The following TMTC1 variants were observed in gnomAD, a reference collection of about 807,000 sequenced individuals.
TMTC1 encodes transmembrane O-mannosyltransferase targeting cadherins 1.
Under a neutral mutation model 104.8 loss-of-function variants are expected in TMTC1, and 73 were observed. The observed-to-expected ratio is 0.70, with a 90% confidence interval of 0.58 to 0.85. The LOEUF (loss-of-function observed/expected upper bound fraction) is 0.85. Among genes scored for constraint, TMTC1 ranks in the 40% least tolerant of loss-of-function variants. The pLI is 0.00. For missense variants in TMTC1, 1,035 were observed against 1,096.1 expected (o/e 0.94, Z 0.79); for synonymous variants, 434 against 428.7 (o/e 1.01, Z -0.15).
At chr12:29,642,014 C>T (rs771964055) in intron 5 of TMTC1, among the ~76,000 whole-genome samples, 1 of 151,924 alleles carries the variant, frequency 6.6e-6, no homozygotes, top group Non-Finnish European at 1.5e-5. Context: ...ACAAGGTCTT[C>T]GAATTAATCC....
intron 5 of TMTC1, among the ~76,000 whole-genome samples, chr12:29,697,595 T>C (rs185448801): frequency 6.6e-6 from 1 of 152,304 alleles, no homozygotes; most frequent in Non-Finnish European, 1.5e-5. Flanking sequence ...AAAATCTGCA[T>C]GGCAGGCTGG....
chr12:29,542,322 G>A (rs1303152141), intron 10 of TMTC1, among the ~76,000 whole-genome samples: 5 of 152,092 alleles, frequency 3.3e-5, no homozygotes, highest in Admixed American at 1.3e-4. Flanking sequence ...GGGTTCAACC[G>A]GCACTGATGG....
At chr12:29,620,308 T>C (rs952801431) in intron 6 of TMTC1, among the ~76,000 whole-genome samples, 2 of 152,150 alleles carry the variant, frequency 1.3e-5, no homozygotes, top group Non-Finnish European at 2.9e-5. Flanking sequence ...AGCTCAGTGC[T>C]GATCACTCCC....
Position 29,668,454 on chromosome 12 carries a change from C to CTTTTT in TMTC1, c.939-35123_939-35119dup, listed in dbSNP as rs66652706. The stretch of plus-strand genomic sequence containing the variant: ...CCACATTCAAACCATACCAACTTAT[C>CTTTTT]TTTTTTTTTTTTTTTTTTTTTTTTG... On this transcript the variant is annotated intron_variant, in intron 5 of 17. Transcript: ENST00000539277. Among the ~76,000 whole-genome samples the CTTTTT allele has an allele frequency of 2.2e-3, 199 of 90,076 alleles. 9 individuals carry two copies. The highest frequency in any genetic ancestry group is 6.3e-3 in the Middle Eastern group (1 of 158). 59.1% of individuals were successfully genotyped at this position (90,076 alleles called of 152,430 possible).
At chr12:29,520,871 T>C in intron 11 of TMTC1, 151 bp from the exon 12 acceptor site, 1 of 622,386 alleles carries the variant, frequency 1.6e-6, no homozygotes, top group Non-Finnish European at 2.8e-6. Flanking sequence ...CTATGAACTT[T>C]GTTTGAATTA....
In TMTC1 at chr12:29,579,828, C is replaced by A. The variant is rs34689118; in HGVS notation, c.1418+3579G>T. Among the ~76,000 whole-genome samples the A allele has an allele frequency of 4.6e-3, 694 of 152,242 alleles. 2 individuals carry two copies. Among genetic ancestry groups the A allele is most frequent in the South Asian group, 0.012 (56 of 4,820 alleles). ...ATGCCTTGCAGCTATGATCATAAAT[C>A]TCTCTCTCTGCTTATACTTGAGCTA... On this transcript the variant is annotated intron_variant, in intron 8 of 17. Transcript: ENST00000539277.
At chr12:29,511,749 T>C (rs965779033) in intron 17 of TMTC1, among the ~76,000 whole-genome samples, 2 of 152,224 alleles carry the variant, frequency 1.3e-5, no homozygotes, top group Non-Finnish European at 2.9e-5. Flanking sequence ...AAACAGATTT[T>C]ACCTGCTGTG....
At position 29,603,332 on chromosome 12, in the gene TMTC1, C is replaced by T. The variant is rs556845400; in HGVS notation, c.1250+846G>A. On this transcript the variant is annotated intron_variant, in intron 7 of 17. Transcript: ENST00000539277. ...ATAAAAAACACTCATTTCCTCCTAA[C>T]ATTTTGGTTTATGATACTGCCTTTT... Among the ~76,000 whole-genome samples the T allele has an allele frequency of 2.6e-5, 4 of 152,126 alleles. No homozygotes were observed. The South Asian group carries it at 8.3e-4, about 32-fold the overall frequency.
At chr12:29,726,136 T>G (rs991453809) in intron 5 of TMTC1, among the ~76,000 whole-genome samples, 5 of 152,130 alleles carry the variant, frequency 3.3e-5, no homozygotes, top group Non-Finnish European at 7.4e-5. Context: ...GAAAAAACAA[T>G]GCAGTCAGTC....
chr12:29,593,255 T>C (rs1277660355), intron 7 of TMTC1, among the ~76,000 whole-genome samples: 1 of 152,148 alleles, frequency 6.6e-6, no homozygotes, highest in African/African-American at 2.4e-5. Context: ...AATTGTTGTG[T>C]GGAATAAATG....
rs184221 is a variant in TMTC1, at chr12:29,783,680, T to G, written c.72A>C (p.Leu24=). The G allele has an allele frequency of 0.97, 1,261,223 of 1,299,770 alleles. 614,256 individuals are homozygous for G. Among genetic ancestry groups the G allele is most frequent in the East Asian group, 1 (31,968 of 31,986 alleles). The allele number at this position is 1,299,770 out of a possible 1,614,324, so 80.5% of individuals were successfully genotyped here. ...RTPSRRRGCG[L]APAGAAALLA... is the part of the protein sequence containing the mutation. Reference sequence around the variant, plus strand: ...GCAGCGCCGCGGCCCCGGCCGGCGCTAGCCCGCAGCCCCGCCGCCGGGAGG... The same window carrying G: ...GCAGCGCCGCGGCCCCGGCCGGCGCGAGCCCGCAGCCCCGCCGCCGGGAGG... Residue 24 remains leucine (L), a synonymous_variant, in exon 1 of 18, where the codon CTA becomes CTC. Transcript: ENST00000539277. The surrounding 1 kb of genome is among the most constrained non-coding windows in gnomAD (Gnocchi z 4.7).
chr12:29,509,957 T>A (rs2136129708), intron 17 of TMTC1, among the ~76,000 whole-genome samples: 2 of 152,336 alleles, frequency 1.3e-5, no homozygotes, highest in South Asian at 2.1e-4. Context: ...ATATTTGTTG[T>A]ACTTTTTCTA....
chr12:29,731,291 G>T (rs893907197), intron 5 of TMTC1, among the ~76,000 whole-genome samples: 1 of 152,088 alleles, frequency 6.6e-6, no homozygotes, highest in African/African-American at 2.4e-5. Context: ...AGAGGAGCTG[G>T]GATTACAGAT....
intron 5 of TMTC1, among the ~76,000 whole-genome samples, chr12:29,747,593 T>C (rs1472876885): frequency 6.6e-6 from 1 of 152,182 alleles, no homozygotes; most frequent in African/African-American, 2.4e-5. Flanking sequence ...AGTTTTGAAG[T>C]TGAACAACAA....
chr12:29,630,663 G>A (rs1032971449), intron 6 of TMTC1, among the ~76,000 whole-genome samples: 6 of 152,206 alleles, frequency 3.9e-5, no homozygotes, highest in Admixed American at 6.5e-5. Flanking sequence ...CACTGAGTTC[G>A]TCCATTTGCA....
intron 5 of TMTC1, among the ~76,000 whole-genome samples, chr12:29,729,923 G>A (rs1228520288): frequency 6.6e-6 from 1 of 152,144 alleles, no homozygotes; most frequent in Non-Finnish European, 1.5e-5. Context: ...CTTCTAAAGG[G>A]ATAAATATAA....
intron 1 of TMTC1, among the ~76,000 whole-genome samples, chr12:29,777,720 C>A (rs1943744436): frequency 6.6e-6 from 1 of 152,054 alleles, no homozygotes; most frequent in Admixed American, 6.5e-5. Context: ...TTTCATTTTT[C>A]TTTATAAAAT....
intron 7 of TMTC1, among the ~76,000 whole-genome samples, chr12:29,599,620 T>G (rs1946500803): frequency 6.6e-6 from 1 of 152,206 alleles, no homozygotes; most frequent in African/African-American, 2.4e-5. Context: ...ATCAGCCCCC[T>G]GGGATCGAAG....
chr12:29,692,214 C>T (rs1263383361), intron 5 of TMTC1, among the ~76,000 whole-genome samples: 5 of 145,306 alleles, frequency 3.4e-5, no homozygotes, highest in African/African-American at 1.3e-4. Context: ...TTTTTCCTCC[C>T]TTTCACATAA....
Sources: gnomAD v4.1 joint callset for allele counts (sites outside exome capture counted in the v4.1 genomes callset) on GRCh38, gnomAD v4.1.1 for gene constraint, Gnocchi (gnomAD v3.1) non-coding constraint, MANE v1.5 for transcripts, NCBI Gene and HGNC (gene_info 2026-07-23, HGNC 2026-07-21) for gene names.